ATP2B2: variants seen among roughly 807,000 people sequenced by gnomAD.
ATP2B2 encodes ATPase plasma membrane Ca2+ transporting 2, also known as plasma membrane calcium-transporting ATPase 2.
A neutral mutation model predicts 120.0 loss-of-function variants in ATP2B2; 15 were observed. That is an observed-to-expected ratio of 0.12 (90% CI 0.08 to 0.19). The LOEUF (loss-of-function observed/expected upper bound fraction) is 0.19, where lower values mean the gene tolerates loss of function less well. Among genes scored for constraint, ATP2B2 ranks in the 10% least tolerant of loss-of-function variants. ATP2B2 has a pLI of 1.00. For missense variants in ATP2B2, 1,045 were observed against 1,719.8 expected (o/e 0.61, Z 6.94); for synonymous variants, 694 against 700.3 (o/e 0.99, Z 0.14).
At chr3:10,579,893 T>A (rs2068347689) in intron 2 of ATP2B2, among the ~76,000 whole-genome samples, 1 of 151,936 alleles carries the variant, frequency 6.6e-6, no homozygotes, top group Admixed American at 6.6e-5. Context: ...CCCCACAGTT[T>A]CCCCTTCCAT....
At chr3:10,463,039 C>A (rs2064564720) in intron 1 of ATP2B2, among the ~76,000 whole-genome samples, 1 of 152,220 alleles carries the variant, frequency 6.6e-6, no homozygotes, top group Admixed American at 6.5e-5. Context: ...GGTCTACCAC[C>A]TGCTTTTCCA....
intron 1 of ATP2B2, among the ~76,000 whole-genome samples, chr3:10,631,752 A>T (rs192193759): frequency 1.8e-4 from 27 of 152,372 alleles, no homozygotes; most frequent in Admixed American, 1.6e-3. Flanking sequence ...CTACATGCTA[A>T]GAAAGAAAGA....
At chr3:10,357,462 G>A (rs138450346) in intron 14 of ATP2B2, among the ~76,000 whole-genome samples, 3 of 152,264 alleles carry the variant, frequency 2.0e-5, no homozygotes, top group East Asian at 3.9e-4. Flanking sequence ...TCTTTGGAAT[G>A]CAGAATCTTA....
intron 1 of ATP2B2, among the ~76,000 whole-genome samples, chr3:10,686,043 C>CTTTTTTTTTTTTTTTTTTTTTTTTTTT (rs34073958): frequency 7.5e-5 from 7 of 93,214 alleles, no homozygotes; most frequent in African/African-American, 2.9e-4. Flanking sequence ...TTCCTCCTTT[C>CTTTTTTTTTTTTTTTTTTTTTTTTTTT]TTTTTTTTTT....
At chr3:10,485,710 C>A (rs552488519) in intron 1 of ATP2B2, among the ~76,000 whole-genome samples, 1 of 152,174 alleles carries the variant, frequency 6.6e-6, no homozygotes, top group Non-Finnish European at 1.5e-5. Context: ...AATCGCAAAG[C>A]CTGGGGTCTG....
intron 1 of ATP2B2, among the ~76,000 whole-genome samples, chr3:10,705,952 A>T (rs2071889778): frequency 1.3e-5 from 2 of 152,166 alleles, no homozygotes; most frequent in Admixed American, 1.3e-4. Context: ...CGTAGCTGGG[A>T]CCAGGTCTGT....
intron 1 of ATP2B2, among the ~76,000 whole-genome samples, chr3:10,668,868 G>C (rs1431043315): frequency 6.6e-6 from 1 of 152,178 alleles, no homozygotes; most frequent in African/African-American, 2.4e-5. Context: ...GCATACAGTA[G>C]GCAGCACACA....
At chr3:10,490,034 AG>A (rs1055946692) in intron 1 of ATP2B2, among the ~76,000 whole-genome samples, 1 of 152,182 alleles carries the variant, frequency 6.6e-6, no homozygotes, top group Non-Finnish European at 1.5e-5. Context: ...CTGTTTTTCC[AG>A]CTGGCTGGCT....
rs73018787 is a variant in ATP2B2 at position 10,467,984 on chromosome 3, C to T, written c.-319-18122G>A. 5.0e-3 allele frequency among the ~76,000 whole-genome samples: 755 copies of T among 152,278 alleles called. 4 individuals carry two copies. The highest frequency in any genetic ancestry group is 8.1e-3 in the Non-Finnish European group (551 of 68,020). ...AAGGTCACAGAGCCAGGGAATGGCCCGACCAGGATTTGCATTAGGCCCTGA... is the reference window on the plus strand; with the variant it reads ...AAGGTCACAGAGCCAGGGAATGGCCTGACCAGGATTTGCATTAGGCCCTGA... On this transcript the variant is annotated intron_variant, in intron 1 of 22. Transcript: ENST00000360273.
chr3:10,655,738 T>A (rs2070606775), intron 1 of ATP2B2, among the ~76,000 whole-genome samples: 1 of 152,220 alleles, frequency 6.6e-6, no homozygotes, highest in Admixed American at 6.5e-5. Flanking sequence ...TCTCTCTATT[T>A]CTTCCTACTA....
At chr3:10,594,003 A>G (rs1404699379) in intron 2 of ATP2B2, among the ~76,000 whole-genome samples, 38 of 152,264 alleles carry the variant, frequency 2.5e-4, no homozygotes, top group Admixed American at 2.4e-3. Context: ...AATGCAAATC[A>G]AAACCACAAT....
intron 1 of ATP2B2, among the ~76,000 whole-genome samples, chr3:10,503,549 C>G (rs1273895437): frequency 1.3e-5 from 2 of 152,262 alleles, no homozygotes; most frequent in Admixed American, 6.5e-5. Flanking sequence ...GGCAAGCTCT[C>G]CCTAGCACCC....
chr3:10,653,487 G>A (rs572439201), intron 1 of ATP2B2, among the ~76,000 whole-genome samples: 1 of 152,300 alleles, frequency 6.6e-6, no homozygotes, highest in Admixed American at 6.5e-5. Flanking sequence ...ACCAGGCAGG[G>A]CCTCAAGGGG....
chr3:10,365,929 C>G (rs1277294674), intron 12 of ATP2B2, among the ~76,000 whole-genome samples: 3 of 7,658 alleles, frequency 3.9e-4, no homozygotes, highest in Non-Finnish European at 8.9e-4. Flanking sequence ...ACTGGAATTC[C>G]CCATCTGGAG....
intron 1 of ATP2B2, among the ~76,000 whole-genome samples, chr3:10,704,295 C>T (rs550875788): frequency 6.6e-6 from 1 of 152,218 alleles, no homozygotes; most frequent in Admixed American, 6.5e-5. Context: ...TCTCACATAG[C>T]AAGTGGCATA....
chr3:10,483,762 T>C (rs1317951850), intron 1 of ATP2B2, among the ~76,000 whole-genome samples: 2 of 152,158 alleles, frequency 1.3e-5, no homozygotes, highest in African/African-American at 2.4e-5. Flanking sequence ...CTGGCTGGCC[T>C]CCAAACGCCT....
At chr3:10,471,950 G>A (rs993415446) in intron 1 of ATP2B2, among the ~76,000 whole-genome samples, 81 of 151,732 alleles carry the variant, frequency 5.3e-4, no homozygotes, top group Admixed American at 1.2e-3. Flanking sequence ...GTGTGGTGGC[G>A]GGCGCCTGTA....
At chr3:10,538,069 T>C (rs543885605) in intron 2 of ATP2B2, among the ~76,000 whole-genome samples, 1 of 152,372 alleles carries the variant, frequency 6.6e-6, no homozygotes, top group South Asian at 2.1e-4. Context: ...GATTTTCACA[T>C]GTATACACAT....
rs961950814 is a variant in ATP2B2, at chr3:10,501,158, C to T, written c.-320+4307G>A. ...CACTTGCCCTCCTGGTCCTGCCAGC[C>T]GTGGTCTCTGGCCACATATCTGGAA... On this transcript the variant is annotated intron_variant, in intron 1 of 22. Coordinates refer to ENST00000360273, the MANE Select transcript of ATP2B2 (RefSeq NM_001001331.4). Among the ~76,000 whole-genome samples, 24 of 152,276 alleles carry T rather than the reference C, an allele frequency of 1.6e-4. 1 individual carries two copies. Among genetic ancestry groups the T allele is most frequent in the Admixed American group, 7.8e-4 (12 of 15,298 alleles).
Sources: gnomAD v4.1 joint callset for allele counts (sites outside exome capture counted in the v4.1 genomes callset) on GRCh38, gnomAD v4.1.1 for gene constraint, MANE v1.5 for transcripts, NCBI Gene and HGNC (gene_info 2026-07-23, HGNC 2026-07-21) for gene names.